Variants in SCYL2 observed in about 807,000 individuals in gnomAD.
SCYL2 encodes SCY1 like pseudokinase 2.
A neutral mutation model predicts 100.4 loss-of-function variants in SCYL2; 36 were observed. That is an observed-to-expected ratio of 0.36 (90% CI 0.27 to 0.47). The LOEUF (loss-of-function observed/expected upper bound fraction) is 0.47, where lower values mean the gene tolerates loss of function less well. SCYL2 is among the 20% of genes least tolerant of loss of function. SCYL2 has a pLI of 1.00. For missense variants in SCYL2, 902 were observed against 1,083.9 expected (o/e 0.83, Z 2.36); for synonymous variants, 330 against 359.2 (o/e 0.92, Z 0.92).
At chr12:100,275,159 A>T (rs961703588) in intron 1 of SCYL2, among the ~76,000 whole-genome samples, 1 of 151,978 alleles carries the variant, frequency 6.6e-6, no homozygotes, top group South Asian at 2.1e-4. Flanking sequence ...AGTATTTTTA[A>T]ATTTTAAATT....
intron 2 of SCYL2, among the ~76,000 whole-genome samples, chr12:100,288,465 C>G (rs536815121): frequency 6.6e-6 from 1 of 152,160 alleles, no homozygotes; most frequent in South Asian, 2.1e-4. Flanking sequence ...TCTTTTTCTT[C>G]GTGAACTATA....
chr12:100,317,619 A>C, intron 9 of SCYL2, 184 bp from the exon 10 acceptor site: 1 of 1,357,730 alleles, frequency 7.4e-7, no homozygotes, highest in South Asian at 1.9e-5. Context: ...CAGATGTTAA[A>C]TATTGTGCCT....
intron 1 of SCYL2, among the ~76,000 whole-genome samples, chr12:100,277,972 C>T (rs1048396875): frequency 2.0e-5 from 3 of 152,018 alleles, no homozygotes; most frequent in Non-Finnish European, 1.5e-5. Flanking sequence ...TACTGTACTG[C>T]CTCAAATATA....
chr12:100,283,869 G>A (rs2096301607), intron 2 of SCYL2, among the ~76,000 whole-genome samples: 1 of 152,152 alleles, frequency 6.6e-6, no homozygotes, highest in Non-Finnish European at 1.5e-5. Flanking sequence ...AACCTGTTAA[G>A]TCTTGTTTTT....
In SCYL2 at chr12:100,339,540, C is replaced by T; in HGVS notation, c.*368C>T. On this transcript the variant is annotated 3_prime_UTR_variant, in exon 18 of 18. Coordinates refer to ENST00000360820, the MANE Select transcript of SCYL2 (RefSeq NM_017988.6). ...AAATTGAGGTGATGGTCATTGCAAGCTCATCTATTAAGTACTATATGGTAC... is the reference window on the plus strand; with the variant it reads ...AAATTGAGGTGATGGTCATTGCAAGTTCATCTATTAAGTACTATATGGTAC... The T allele has an allele frequency of 4.0e-6, 1 of 247,356 alleles. No homozygotes were observed. The highest frequency in any genetic ancestry group is 2.3e-5 in the African/African-American group (1 of 43,592). The allele number at this position is 247,356 out of a possible 1,614,324, so 15.3% of individuals were successfully genotyped here.
chr12:100,316,741 C>T (rs1432558936), intron 9 of SCYL2, among the ~76,000 whole-genome samples: 2 of 152,140 alleles, frequency 1.3e-5, no homozygotes, highest in Admixed American at 1.3e-4. Flanking sequence ...CAAGATAGTA[C>T]CCTAAGGATC....
chr12:100,276,176 C>T (rs1294552007), intron 1 of SCYL2, among the ~76,000 whole-genome samples: 2 of 152,102 alleles, frequency 1.3e-5, no homozygotes, highest in Admixed American at 1.3e-4. Flanking sequence ...GTATCCTCCC[C>T]TCTTCTATTT....
chr12:100,312,369 TA>T (rs1209781635), intron 5 of SCYL2, 62 bp from the exon 6 acceptor site: 26 of 1,193,364 alleles, frequency 2.2e-5, no homozygotes, highest in Non-Finnish European at 3.1e-5. Flanking sequence ...GATAGATTAC[TA>T]CTGCTTGATA....
chr12:100,308,429 TTG>T (rs1292899105), intron 4 of SCYL2, among the ~76,000 whole-genome samples: 2 of 151,498 alleles, frequency 1.3e-5, no homozygotes, highest in Non-Finnish European at 2.9e-5. Context: ...TAAGTGGGAG[TTG>T]AACAGTGAGA....
At chr12:100,336,850 G>A (rs1370494905) in intron 16 of SCYL2, among the ~76,000 whole-genome samples, 2 of 152,108 alleles carry the variant, frequency 1.3e-5, no homozygotes, top group Non-Finnish European at 2.9e-5. Flanking sequence ...ATTCATAAAT[G>A]TGAATACTGT....
intron 3 of SCYL2, among the ~76,000 whole-genome samples, chr12:100,295,091 C>A (rs1483732344): frequency 6.6e-6 from 1 of 150,656 alleles, no homozygotes; most frequent in East Asian, 2.0e-4. Context: ...CCCCACATCT[C>A]AGATGATGGG....
At chr12:100,309,629 A>AT (rs1372548864) in intron 4 of SCYL2, among the ~76,000 whole-genome samples, 1 of 152,210 alleles carries the variant, frequency 6.6e-6, no homozygotes, top group Admixed American at 6.5e-5. Context: ...CCATTGATAG[A>AT]TGATAGTTGC....
In SCYL2 at chr12:100,338,654, T is replaced by G; in HGVS notation, c.2272T>G (p.Phe758Val). The G allele has an allele frequency of 6.2e-7, 1 of 1,613,940 alleles. No individual in the cohort carries two copies. The highest frequency in any genetic ancestry group is 8.5e-7 in the Non-Finnish European group (1 of 1,179,922). The change falls in exon 18 of 18, where the codon TTT becomes GTT. Residue 758 changes from phenylalanine (F) to valine (V), a missense_variant. Physicochemically the swap from Phe to Val is conservative, Grantham distance 50. Coordinates refer to ENST00000360820, the MANE Select transcript of SCYL2 (RefSeq NM_017988.6). The stretch of plus-strand genomic sequence containing the variant: ...TCCTTCCATGGGCATTGGTATGATG[T>G]TTTCTACACCAACTGATAATACAAA... ...SVPSMGIGMM[F>V]STPTDNTKRN...
At chr12:100,294,762 C>T in intron 3 of SCYL2, among the ~76,000 whole-genome samples, 1 of 146,120 alleles carries the variant, frequency 6.8e-6, no homozygotes, top group Non-Finnish European at 1.5e-5. Context: ...CCCCCCACCT[C>T]CCTCCCGGAC....
At chr12:100,276,490 G>T (rs1416106586) in intron 1 of SCYL2, among the ~76,000 whole-genome samples, 1 of 151,944 alleles carries the variant, frequency 6.6e-6, no homozygotes, top group African/African-American at 2.4e-5. Context: ...ACACCACTAT[G>T]CCCTGCACAT....
intron 2 of SCYL2, among the ~76,000 whole-genome samples, chr12:100,287,117 T>A (rs896863313): frequency 1.3e-5 from 2 of 152,154 alleles, no homozygotes; most frequent in Non-Finnish European, 2.9e-5. Flanking sequence ...AAAAGCCACC[T>A]CTGGTGCCTC....
intron 1 of SCYL2, among the ~76,000 whole-genome samples, chr12:100,278,212 G>T (rs12306268): frequency 0.27 from 40,739 of 151,686 alleles, 5,973 homozygotes; most frequent in African/African-American, 0.36. Flanking sequence ...GTTTTGTTTT[G>T]TTTTAGAGAG....
At chr12:100,305,508 T>C (rs558487775) in intron 4 of SCYL2, among the ~76,000 whole-genome samples, 7 of 152,256 alleles carry the variant, frequency 4.6e-5, no homozygotes, top group Admixed American at 2.0e-4. Flanking sequence ...TAAAGCAGTA[T>C]GTAGAGGGAA....
chr12:100,291,407 A>G (rs1308295989), intron 2 of SCYL2, 96 bp from the exon 3 acceptor site: 4 of 837,090 alleles, frequency 4.8e-6, no homozygotes, highest in Non-Finnish European at 7.1e-6. Context: ...TGGTGCTAAA[A>G]TTTTTATGGC....
Sources: allele counts gnomAD v4.1 joint callset (sites outside exome capture counted in the v4.1 genomes callset), GRCh38; gene constraint gnomAD v4.1.1; transcripts MANE v1.5; gene names NCBI Gene and HGNC (gene_info 2026-07-23, HGNC 2026-07-21).